MYOCOS: variants seen among roughly 807,000 people sequenced by gnomAD.
The protein encoded by MYOCOS is myocilin opposite strand protein.
At chr1:171,620,743 G>A (rs1386074833), upstream of MYOCOS, among the ~76,000 whole-genome samples, 1 of 150,734 alleles carries the variant, frequency 6.6e-6, no homozygotes. Flanking sequence ...GTCTTTCTGG[G>A]CAAACCAATG....
intron 1 of MYOCOS, among the ~76,000 whole-genome samples, chr1:171,611,720 G>C (rs1050539683): frequency 6.6e-6 from 1 of 152,164 alleles, no homozygotes; most frequent in African/African-American, 2.4e-5. Flanking sequence ...GGTTGCAGCA[G>C]TATTCCTAAG....
chr1:171,612,454 T>G (rs1164291682), intron 1 of MYOCOS, among the ~76,000 whole-genome samples: 1 of 151,988 alleles, frequency 6.6e-6, no homozygotes, highest in Non-Finnish European at 1.5e-5. Flanking sequence ...TTTTACTACA[T>G]TGACTTGGGG....
rs531752836 is a variant in MYOCOS at position 171,624,273 on chromosome 1, GT to G, written c.95+302del. ...GGATCACTTTGTTTGGTTTGGTTTT[GT>G]TTTTTTGAGACAGGGTCTCGCTCTG... On this transcript the variant is annotated intron_variant, in intron 2 of 2. Coordinates refer to ENST00000637642, the MANE Select transcript of MYOCOS (RefSeq NM_001391940.1). Among the ~76,000 whole-genome samples the G allele has an allele frequency of 3.9e-3, 588 of 151,952 alleles. 6 individuals are homozygous for G. Among genetic ancestry groups the G allele is most frequent in the Non-Finnish European group, 4.9e-3 (333 of 67,954 alleles).
intron 1 of MYOCOS, among the ~76,000 whole-genome samples, chr1:171,610,406 CTG>C (rs1652334595): frequency 3.9e-5 from 6 of 152,280 alleles, no homozygotes; most frequent in Admixed American, 3.9e-4. Context: ...CTGTCTTAGT[CTG>C]TTTTATGTTG....
intron 1 of MYOCOS, among the ~76,000 whole-genome samples, chr1:171,612,112 C>T (rs1053787652): frequency 3.3e-5 from 5 of 150,514 alleles, no homozygotes; most frequent in Non-Finnish European, 1.5e-5. Flanking sequence ...CGTTCTATAG[C>T]CCAGGCTGGA....
intron 1 of MYOCOS, among the ~76,000 whole-genome samples, chr1:171,610,922 G>A (rs1178152140): frequency 1.3e-5 from 2 of 152,210 alleles, no homozygotes; most frequent in African/African-American, 4.8e-5. Flanking sequence ...GTCAATTCTA[G>A]TCATCCAGTG....
rs140841651 is a variant in MYOCOS, at chr1:171,613,906, G to A, written c.-251-892G>A. 5.5e-3 allele frequency among the ~76,000 whole-genome samples: 833 copies of A among 152,266 alleles called. 6 individuals carry two copies. The highest frequency in any genetic ancestry group is 0.019 in the African/African-American group (788 of 41,550). On this transcript the variant is annotated intron_variant, in intron 1 of 3. Transcript: ENST00000636697. ...GAAAGCCTCTTTATATGCTGCCAAA[G>A]AGGCCTCTGACTTTATCACTTCACC...
intron 1 of MYOCOS, among the ~76,000 whole-genome samples, chr1:171,607,843 C>G (rs938359759): frequency 6.6e-6 from 1 of 152,210 alleles, no homozygotes; most frequent in African/African-American, 2.4e-5. Flanking sequence ...AGTCTATTCT[C>G]ATGCTGCTAA....
chr1:171,608,675 C>T (rs1377072146), intron 1 of MYOCOS, among the ~76,000 whole-genome samples: 1 of 152,082 alleles, frequency 6.6e-6, no homozygotes, highest in Non-Finnish European at 1.5e-5. Flanking sequence ...CCCGCCTCGG[C>T]CTCCCAAAGG....
intron 2 of MYOCOS, among the ~76,000 whole-genome samples, chr1:171,616,605 T>C (rs1036752382): frequency 1.3e-5 from 2 of 152,056 alleles, no homozygotes; most frequent in Non-Finnish European, 2.9e-5. Context: ...GGAACAGGTT[T>C]GAAGGAGGTG....
chr1:171,624,100 A>G (rs535677536), intron 2 of MYOCOS, 122 bp downstream of exon 2: 2 of 397,424 alleles, frequency 5.0e-6, no homozygotes, highest in Non-Finnish European at 8.9e-6. Context: ...ATGCTGCTGC[A>G]AGACACATTT....
chr1:171,607,699 G>A (rs1024685543), intron 1 of MYOCOS, among the ~76,000 whole-genome samples: 7 of 152,238 alleles, frequency 4.6e-5, no homozygotes, highest in Non-Finnish European at 1.0e-4. Context: ...TAGTTCTTAG[G>A]CCCTTCTGTC....
chr1:171,620,901 C>T (rs1175356471), upstream of MYOCOS, among the ~76,000 whole-genome samples: 2 of 151,246 alleles, frequency 1.3e-5, no homozygotes, highest in African/African-American at 4.9e-5. Flanking sequence ...TCCCGAGTAG[C>T]TGGGATTACA....
intron 1 of MYOCOS, among the ~76,000 whole-genome samples, chr1:171,610,772 T>C (rs1231744892): frequency 6.6e-6 from 1 of 152,268 alleles, no homozygotes; most frequent in African/African-American, 2.4e-5. Context: ...ATTCACTCAC[T>C]GCCAAATCAC....
chr1:171,603,116 T>C (rs974439481), intron 1 of MYOCOS, among the ~76,000 whole-genome samples: 1 of 152,178 alleles, frequency 6.6e-6, no homozygotes, highest in Non-Finnish European at 1.5e-5. Context: ...CCGAAGTCCC[T>C]GCAGGTCAGC....
intron 1 of MYOCOS, among the ~76,000 whole-genome samples, chr1:171,605,394 C>CACA (rs376886204): frequency 3.9e-5 from 5 of 127,546 alleles, no homozygotes; most frequent in Non-Finnish European, 6.2e-5. Context: ...CACACACACA[C>CACA]AAAAAAAAAA....
At chr1:171,618,303 C>T (rs368253613), upstream of MYOCOS, among the ~76,000 whole-genome samples, 1 of 152,342 alleles carries the variant, frequency 6.6e-6, no homozygotes, top group African/African-American at 2.4e-5. Context: ...CTCATAACCC[C>T]ACCTTAGTGC....
rs1429680396 is a variant in MYOCOS at position 171,605,358 on chromosome 1, AC to A, written c.-252+4280del. Among the ~76,000 whole-genome samples the A allele has an allele frequency of 1.4e-4, 20 of 139,898 alleles. No individual in the cohort carries two copies. In the Admixed American group the frequency reaches 1.5e-3, roughly 10 times the overall value. 91.8% of individuals were successfully genotyped at this position (139,898 alleles called of 152,430 possible). A position where few individuals can be genotyped will look rare whatever the true frequency, so the allele number is the denominator to read the frequency against. On this transcript the variant is annotated intron_variant, in intron 1 of 3. Coordinates refer to the MYOCOS transcript ENST00000636697. ...GATGACTTAGTTGCCTAAGACAAAA[AC>A]CATATTAATAGTACCACACACACAC...
At chr1:171,623,687 CT>C (rs1558082768) in intron 1 of MYOCOS, among the ~76,000 whole-genome samples, 153 bp from the exon 2 acceptor site, 1 of 152,074 alleles carries the variant, frequency 6.6e-6, no homozygotes, top group African/African-American at 2.4e-5. Flanking sequence ...GCCTCTTGAC[CT>C]TGGGGGGAAG....
Sources: allele counts gnomAD v4.1 joint callset (sites outside exome capture counted in the v4.1 genomes callset), GRCh38; gene constraint gnomAD v4.1.1; transcripts MANE v1.5; gene names NCBI Gene and HGNC (gene_info 2026-07-23, HGNC 2026-07-21).